Variants in ABCC4 observed in about 807,000 individuals in gnomAD.
ABCC4 encodes the protein ATP-binding cassette sub-family C member 4.
In ABCC4, 102 loss-of-function variants were observed where a neutral mutation model predicts 168.5. The observed-to-expected ratio is 0.61, with a 90% CI of 0.52 to 0.71. The LOEUF is 0.71. Among genes scored for constraint, ABCC4 ranks in the 30% least tolerant of loss-of-function variants. The pLI is 0.00. For missense variants in ABCC4, 1,402 were observed against 1,605.8 expected (o/e 0.87, Z 2.17); for synonymous variants, 617 against 590.7 (o/e 1.04, Z -0.65).
chr13:95,207,303 C>T (rs2038810872), intron 7 of ABCC4, among the ~76,000 whole-genome samples: 1 of 152,212 alleles, frequency 6.6e-6, no homozygotes, highest in Non-Finnish European at 1.5e-5. Context: ...TCTTGGATTA[C>T]AGGCATGAGC....
chr13:95,056,457 T>C (rs1443404946), intron 26 of ABCC4, among the ~76,000 whole-genome samples: 1 of 152,208 alleles, frequency 6.6e-6, no homozygotes, highest in East Asian at 1.9e-4. Context: ...GGAAAAAGAA[T>C]TTAAGTCGTG....
At chr13:95,148,374 A>G (rs2036565128) in intron 19 of ABCC4, among the ~76,000 whole-genome samples, 1 of 152,176 alleles carries the variant, frequency 6.6e-6, no homozygotes, top group East Asian at 1.9e-4. Context: ...AAAGGGTACC[A>G]TGGATCCCAA....
intron 1 of ABCC4, among the ~76,000 whole-genome samples, chr13:95,255,445 A>G (rs1390156841): frequency 1.3e-5 from 2 of 152,136 alleles, no homozygotes; most frequent in East Asian, 1.9e-4. Flanking sequence ...ACCAGACACT[A>G]AAGTTCAACG....
chr13:95,287,358 G>A (rs901599049), intron 1 of ABCC4, among the ~76,000 whole-genome samples: 8 of 152,106 alleles, frequency 5.3e-5, no homozygotes, highest in South Asian at 2.1e-4. Context: ...GGAGGCTAAG[G>A]TGGGCAGATC....
chr13:95,040,775 T>C (rs1038198943), intron 29 of ABCC4, among the ~76,000 whole-genome samples: 5 of 151,436 alleles, frequency 3.3e-5, no homozygotes, highest in Non-Finnish European at 7.4e-5. Flanking sequence ...TAGTTTGTTT[T>C]CTCTGAGGAA....
At chr13:95,136,092 G>A (rs1216512723) in intron 19 of ABCC4, among the ~76,000 whole-genome samples, 1 of 152,024 alleles carries the variant, frequency 6.6e-6, no homozygotes. Context: ...AAATTAAGTA[G>A]AACAGTAATT....
chr13:95,167,879 G>A (rs1418424495), intron 14 of ABCC4, among the ~76,000 whole-genome samples: 3 of 152,138 alleles, frequency 2.0e-5, no homozygotes, highest in Non-Finnish European at 4.4e-5. Context: ...AATGGTTTGT[G>A]TGTGTGTGGT....
chr13:95,066,168 G>A (rs1319781334), intron 25 of ABCC4, among the ~76,000 whole-genome samples: 2 of 152,200 alleles, frequency 1.3e-5, no homozygotes, highest in Non-Finnish European at 2.9e-5. Flanking sequence ...TCACGGCATC[G>A]AGCCTTGGCA....
rs1421153098 is a variant in ABCC4, at chr13:95,047,949, G to A, written c.3457-3511C>T. 3.9e-5 allele frequency among the ~76,000 whole-genome samples: 6 copies of A among 152,116 alleles called. No homozygotes were observed. In the East Asian group the frequency reaches 1.2e-3, roughly 29 times the overall value. ...GGGTAGGGATTTTATCTCTCTTGAT[G>A]ACTGCTATAGCTCCAGAGTCTACAA... On this transcript the variant is annotated intron_variant, in intron 27 of 30. Transcript: ENST00000645237.
At chr13:95,213,480 A>G (rs888381426) in intron 4 of ABCC4, among the ~76,000 whole-genome samples, 2 of 152,176 alleles carry the variant, frequency 1.3e-5, no homozygotes, top group African/African-American at 2.4e-5. Flanking sequence ...GTAGGGATTT[A>G]CCCAGGGTAC....
At chr13:95,250,298 C>G (rs923023589) in intron 1 of ABCC4, among the ~76,000 whole-genome samples, 1 of 152,156 alleles carries the variant, frequency 6.6e-6, no homozygotes, top group Non-Finnish European at 1.5e-5. Context: ...TCTTCTCCCC[C>G]TTATCTCCCA....
At chr13:95,098,918 T>C (rs922081690) in intron 20 of ABCC4, among the ~76,000 whole-genome samples, 8 of 152,210 alleles carry the variant, frequency 5.3e-5, no homozygotes, top group African/African-American at 1.9e-4. Context: ...GCTCATATAT[T>C]GCCACTGGGT....
chr13:95,290,595 C>T (rs1293025920), intron 1 of ABCC4, among the ~76,000 whole-genome samples: 3 of 150,824 alleles, frequency 2.0e-5, no homozygotes, highest in Non-Finnish European at 4.4e-5. Flanking sequence ...ATCCCAGCTA[C>T]TGGGGAGGCT....
At chr13:95,026,673 A>G (rs9524767) in intron 30 of ABCC4, among the ~76,000 whole-genome samples, 62,826 of 151,934 alleles carry the variant, frequency 0.41, 13,627 homozygotes, top group East Asian at 0.49. Flanking sequence ...ATGATGGTTT[A>G]AGCCCAGGAG....
chr13:95,080,693 G>A (rs544623610), intron 21 of ABCC4, among the ~76,000 whole-genome samples: 431 of 152,206 alleles, frequency 2.8e-3, no homozygotes, highest in African/African-American at 9.4e-3. Context: ...GGCTGGTCTC[G>A]AACTCTCGAC....
At chr13:95,234,018 C>T (rs2039693410) in intron 4 of ABCC4, among the ~76,000 whole-genome samples, 1 of 152,180 alleles carries the variant, frequency 6.6e-6, no homozygotes, top group Non-Finnish European at 1.5e-5. Context: ...ACGTGGATTC[C>T]ATTTACATTT....
chr13:95,047,262 G>A (rs929966174), intron 27 of ABCC4, among the ~76,000 whole-genome samples: 1 of 152,148 alleles, frequency 6.6e-6, no homozygotes, highest in African/African-American at 2.4e-5. Flanking sequence ...GCAAGTTCCT[G>A]AACTTTCTCT....
At chr13:95,269,311 T>G in intron 1 of ABCC4, 1 of 455,726 alleles carries the variant, frequency 2.2e-6, no homozygotes, top group Non-Finnish European at 4.4e-6. Context: ...GCAGCTCACC[T>G]GCTAGTCTGG....
At chr13:95,119,735 T>G (rs1303305144) in intron 19 of ABCC4, among the ~76,000 whole-genome samples, 1 of 152,208 alleles carries the variant, frequency 6.6e-6, no homozygotes, top group African/African-American at 2.4e-5. Flanking sequence ...CCATTCTTTT[T>G]TGTAACAAAA....
Sources: allele counts gnomAD v4.1 joint callset (sites outside exome capture counted in the v4.1 genomes callset), GRCh38; gene constraint gnomAD v4.1.1; transcripts MANE v1.5; gene names NCBI Gene and HGNC (gene_info 2026-07-23, HGNC 2026-07-21).